The following ATP8A1 variants were observed in gnomAD, a reference collection of about 807,000 sequenced individuals.
The protein encoded by ATP8A1 is ATPase phospholipid transporting 8A1, also known as phospholipid-transporting ATPase IA.
A neutral mutation model predicts 177.7 loss-of-function variants in ATP8A1; 90 were observed. That is an observed-to-expected ratio of 0.51 (90% CI 0.43 to 0.60). The LOEUF (loss-of-function observed/expected upper bound fraction) is 0.60. Among genes scored for constraint, ATP8A1 ranks in the 20% least tolerant of loss-of-function variants. ATP8A1 has a pLI of 0.00. For synonymous variants in ATP8A1, 493 were observed against 485.9 expected (o/e 1.01, Z -0.19); for missense variants, 1,072 against 1,392.8 (o/e 0.77, Z 3.67).
intron 27 of ATP8A1, among the ~76,000 whole-genome samples, chr4:42,462,309 G>T (rs1719256734): frequency 6.6e-6 from 1 of 152,224 alleles, no homozygotes; most frequent in Non-Finnish European, 1.5e-5. Flanking sequence ...AGGCCTACAA[G>T]GAAAAAGTGG....
chr4:42,593,573 G>A (rs1024552761), intron 6 of ATP8A1, among the ~76,000 whole-genome samples: 2 of 151,500 alleles, frequency 1.3e-5, no homozygotes, highest in African/African-American at 4.8e-5. Flanking sequence ...ATTCATATGT[G>A]GATTTACAAA....
intron 1 of ATP8A1, among the ~76,000 whole-genome samples, chr4:42,653,641 C>A (rs1355060007): frequency 6.6e-6 from 1 of 152,226 alleles, no homozygotes; most frequent in Admixed American, 6.5e-5. Flanking sequence ...TTTAGGATGT[C>A]CCTCCCTTAT....
intron 20 of ATP8A1, among the ~76,000 whole-genome samples, chr4:42,537,465 G>T (rs920802953): frequency 4.6e-5 from 7 of 151,996 alleles, no homozygotes; most frequent in Non-Finnish European, 7.4e-5. Flanking sequence ...CTGATAAACA[G>T]GAAGTCAAAC....
At chr4:42,571,828 A>G (rs1425388830) in intron 14 of ATP8A1, among the ~76,000 whole-genome samples, 1 of 152,232 alleles carries the variant, frequency 6.6e-6, no homozygotes, top group Non-Finnish European at 1.5e-5. Flanking sequence ...CTATGTACAA[A>G]TCTATTTTAT....
Position 42,586,399 on chromosome 4 carries a change from T to C in ATP8A1, c.672A>G (p.Pro224=), listed in dbSNP as rs752435918. Residue 224 remains proline (P), a synonymous_variant, in exon 9 of 37, where the codon CCA becomes CCG. Coordinates refer to ENST00000381668, the MANE Select transcript of ATP8A1 (RefSeq NM_006095.2). ...RISGRIECES[P]NRHLYDFVGN... is the part of the protein sequence containing the mutation. ...CAACAAAATCGTAGAGATGTCTGTT[T>C]GGACTTTCACACTCAATTCTGCCAG... The C allele has an allele frequency of 6.2e-7, 1 of 1,614,178 alleles. No individual in the cohort carries two copies. Among genetic ancestry groups the C allele is most frequent in the South Asian group, 1.1e-5 (1 of 91,090 alleles).
chr4:42,493,583 A>G (rs1050081757), intron 24 of ATP8A1, among the ~76,000 whole-genome samples: 2 of 152,128 alleles, frequency 1.3e-5, no homozygotes, highest in African/African-American at 4.8e-5. Context: ...ATGTATTTCA[A>G]TGTACCTCCT....
chr4:42,595,169 A>G (rs1734602006), intron 6 of ATP8A1, among the ~76,000 whole-genome samples: 1 of 152,154 alleles, frequency 6.6e-6, no homozygotes, highest in African/African-American at 2.4e-5. Context: ...ATGAGACTAA[A>G]CATGAATTTC....
chr4:42,448,717 T>C (rs1717582423), intron 30 of ATP8A1, among the ~76,000 whole-genome samples: 1 of 150,164 alleles, frequency 6.7e-6, no homozygotes, highest in South Asian at 2.1e-4. Flanking sequence ...TTTCTCAAAG[T>C]GGTAGAGGTA....
At chr4:42,488,109 A>G (rs1030714423) in intron 24 of ATP8A1, among the ~76,000 whole-genome samples, 2 of 152,222 alleles carry the variant, frequency 1.3e-5, no homozygotes, top group African/African-American at 4.8e-5. Context: ...TATCCCCTGG[A>G]TTATCTTAAC....
Position 42,435,461 on chromosome 4 carries a change from A to AAAAAAAC in ATP8A1, c.3123+8103_3123+8104insGTTTTTT, listed in dbSNP as rs1553871738. 7.1e-3 allele frequency among the ~76,000 whole-genome samples: 871 copies of AAAAAAAC among 122,028 alleles called. 58 individuals carry two copies. The highest frequency in any genetic ancestry group is 0.011 in the Non-Finnish European group (616 of 56,278). 80.1% of individuals were successfully genotyped at this position (122,028 alleles called of 152,430 possible). On this transcript the variant is annotated intron_variant, in intron 33 of 36. Transcript: ENST00000381668. The stretch of plus-strand genomic sequence containing the variant: ...AAAAAAAAAAAAAACAAAAAAAAAA[A>AAAAAAAC]AACAAACTATCTCCAGTTATGAGCT...
chr4:42,642,056 C>T (rs982668770), intron 1 of ATP8A1, among the ~76,000 whole-genome samples: 4 of 151,968 alleles, frequency 2.6e-5, no homozygotes, highest in Non-Finnish European at 4.4e-5. Flanking sequence ...TCTTCCTGCC[C>T]ATTACAACTT....
chr4:42,464,285 G>GA (rs1719491804), intron 27 of ATP8A1, among the ~76,000 whole-genome samples: 1 of 143,460 alleles, frequency 7.0e-6, no homozygotes, highest in African/African-American at 2.6e-5. Context: ...TTTTTTTTTG[G>GA]GGTGGAGTCT....
chr4:42,645,151 C>G (rs1231820770), intron 1 of ATP8A1, among the ~76,000 whole-genome samples: 1 of 152,120 alleles, frequency 6.6e-6, no homozygotes, highest in Admixed American at 6.5e-5. Flanking sequence ...CTTAGTTGTA[C>G]TGAATTGAAT....
intron 20 of ATP8A1, among the ~76,000 whole-genome samples, chr4:42,527,479 A>G (rs944455848): frequency 2.0e-5 from 3 of 152,180 alleles, no homozygotes; most frequent in African/African-American, 4.8e-5. Context: ...CCATGTTGCC[A>G]TCAGCCTTTC....
intron 15 of ATP8A1, among the ~76,000 whole-genome samples, chr4:42,559,500 A>G (rs542251238): frequency 1.3e-5 from 2 of 152,372 alleles, no homozygotes; most frequent in East Asian, 3.9e-4. Context: ...ATTGTAGGAA[A>G]ATAGTAAAGC....
intron 24 of ATP8A1, among the ~76,000 whole-genome samples, chr4:42,500,501 ATTAT>A (rs1215666802): frequency 6.6e-6 from 1 of 152,232 alleles, no homozygotes; most frequent in Non-Finnish European, 1.5e-5. Context: ...AATTTAAAAA[ATTAT>A]TTATCAGAAA....
intron 20 of ATP8A1, among the ~76,000 whole-genome samples, chr4:42,540,220 C>G (rs1279439662): frequency 6.6e-6 from 1 of 152,054 alleles, no homozygotes; most frequent in East Asian, 1.9e-4. Context: ...CAAATCAAAA[C>G]CACAATGAGA....
At chr4:42,626,846 A>C in intron 2 of ATP8A1, 149 bp downstream of exon 2, 1 of 661,114 alleles carries the variant, frequency 1.5e-6, no homozygotes, top group Non-Finnish European at 2.7e-6. Context: ...TATGGGAGAG[A>C]AGATGGGGAA....
chr4:42,532,909 C>T (rs1444445748), intron 20 of ATP8A1, among the ~76,000 whole-genome samples: 1 of 152,162 alleles, frequency 6.6e-6, no homozygotes, highest in African/African-American at 2.4e-5. Flanking sequence ...TTGTAATATT[C>T]CCCCCAGCCC....
Sources: gnomAD v4.1 joint callset for allele counts (sites outside exome capture counted in the v4.1 genomes callset) on GRCh38, gnomAD v4.1.1 for gene constraint, MANE v1.5 for transcripts, NCBI Gene and HGNC (gene_info 2026-07-23, HGNC 2026-07-21) for gene names.